KMT2C: variants seen among roughly 807,000 people sequenced by gnomAD.
KMT2C encodes the protein lysine methyltransferase 2C, also known as histone-lysine N-methyltransferase 2C.
Under a neutral mutation model 507.9 loss-of-function variants are expected in KMT2C, and 88 were observed. The ratio of observed to expected loss-of-function variants is 0.17; its 90% confidence interval spans 0.15 to 0.21. The LOEUF (loss-of-function observed/expected upper bound fraction) is 0.21. KMT2C is among the 10% of genes least tolerant of loss of function. KMT2C has a pLI of 1.00. For missense variants in KMT2C, 4,954 were observed against 5,957.8 expected, an observed-to-expected ratio of 0.83 and a Z score of 5.55; for synonymous variants, 2,049 against 2,080.8, an observed-to-expected ratio of 0.98 and a Z score of 0.42.
At chr7:152,390,256 A>G (rs2097481290) in intron 1 of KMT2C, among the ~76,000 whole-genome samples, 1 of 152,310 alleles carries the variant, frequency 6.6e-6, no homozygotes, top group African/African-American at 2.4e-5. Context: ...GTATTAAATG[A>G]CATAACTAAA....
chr7:152,144,798 T>G lies in KMT2C; in HGVS notation c.14258A>C (p.Gln4753Pro), dbSNP rs2090941382. Residue 4753 changes from glutamine (Q) to proline (P), a missense_variant, in exon 55 of 59, where the codon CAG becomes CCG. Transcript: ENST00000262189. The surrounding 1 kb of genome is among the most constrained non-coding windows in gnomAD (Gnocchi z 4.4). Reference protein sequence around the residue: ...TGELNAPYSKQFVHSKSSQYR... With the variant: ...TGELNAPYSKPFVHSKSSQYR... ...CTGCGATGACTTGGAGTGAACAAAC[T>G]GTTTACTATAAGGTGCGTTCAGTTC... is the stretch of plus-strand genomic sequence containing the variant. The G allele has an allele frequency of 6.2e-7, 1 of 1,614,194 alleles. No homozygotes were observed. Among genetic ancestry groups the G allele is most frequent in the African/African-American group, 1.3e-5 (1 of 75,064 alleles).
At chr7:152,301,833 ATTACC>A (rs1182639519) in intron 6 of KMT2C, among the ~76,000 whole-genome samples, 1 of 152,232 alleles carries the variant, frequency 6.6e-6, no homozygotes, top group Non-Finnish European at 1.5e-5. Context: ...ATACTAGCAA[ATTACC>A]TTACGTAAAG....
intron 6 of KMT2C, among the ~76,000 whole-genome samples, chr7:152,279,806 G>C (rs2096167521): frequency 6.6e-6 from 1 of 152,084 alleles, no homozygotes; most frequent in Non-Finnish European, 1.5e-5. Context: ...TGCTGCCACA[G>C]TAATCTTTCT....
At chr7:152,410,897 G>A (rs1439747549) in intron 1 of KMT2C, among the ~76,000 whole-genome samples, 4 of 151,904 alleles carry the variant, frequency 2.6e-5, no homozygotes, top group Non-Finnish European at 5.9e-5. Context: ...CCAGCTACTT[G>A]GGAGGCTGAG....
chr7:152,435,376 A>G (rs960425693), intron 1 of KMT2C, among the ~76,000 whole-genome samples: 2 of 151,364 alleles, frequency 1.3e-5, no homozygotes, highest in Non-Finnish European at 2.9e-5. Context: ...GCCCGACTGA[A>G]AAGTAAAGTG....
intron 4 of KMT2C, among the ~76,000 whole-genome samples, chr7:152,313,218 A>C (rs1367050827): frequency 6.6e-6 from 1 of 152,010 alleles, no homozygotes; most frequent in Non-Finnish European, 1.5e-5. Context: ...TCCATTACAA[A>C]TCATTGTTAT....
At position 152,381,190 on chromosome 7, in the gene KMT2C, C is replaced by T. The variant is rs2097370366; in HGVS notation, c.162-22515G>A. 2.0e-5 allele frequency among the ~76,000 whole-genome samples: 3 copies of T among 152,118 alleles called. No individual in the cohort carries two copies. In the South Asian group the frequency reaches 6.2e-4, roughly 32 times the overall value. On this transcript the variant is annotated intron_variant, in intron 1 of 58. Transcript: ENST00000262189. ...CATTTATTCAACAAATATTTGAGTG[C>T]CAGCTATGTGCTAGGCACTGTTCTA...
intron 2 of KMT2C, among the ~76,000 whole-genome samples, chr7:152,337,052 A>G (rs1031573951): frequency 6.6e-6 from 1 of 152,144 alleles, no homozygotes; most frequent in Non-Finnish European, 1.5e-5. Flanking sequence ...GCACTTTGGG[A>G]AGCAGGAGGA....
intron 24 of KMT2C, 128 bp downstream of exon 24, chr7:152,207,172 T>G: frequency 1.1e-6 from 1 of 905,702 alleles, no homozygotes; most frequent in Non-Finnish European, 1.6e-6. Context: ...TTAATTTATG[T>G]GCACATATTT....
At position 152,194,280 on chromosome 7, in the gene KMT2C, A is replaced by G. The variant is rs774754773; in HGVS notation, c.4508-19T>C. The G allele has an allele frequency of 4.7e-5, 67 of 1,438,496 alleles. No individual in the cohort carries two copies. Among genetic ancestry groups the G allele is most frequent in the Non-Finnish European group, 6.1e-5 (64 of 1,054,956 alleles). 89.1% of individuals were successfully genotyped at this position (1,438,496 alleles called of 1,614,324 possible). ...ATTGCTCCTAGAATAAATTAAAAAA[A>G]AAAAAGAAACATTAACAGCTACTAA... On this transcript the variant is annotated intron_variant, in intron 29 of 58. Coordinates refer to ENST00000262189, the MANE Select transcript of KMT2C (RefSeq NM_170606.3).
Position 152,178,014 on chromosome 7 carries a change from TTAAAAAAAAAA to T in KMT2C, c.7443-15_7443-5del. 1 of 1,129,686 alleles carries T rather than the reference TTAAAAAAAAAA, an allele frequency of 8.9e-7. No individual in the cohort carries two copies. Among genetic ancestry groups the T allele is most frequent in the South Asian group, 3.8e-5 (1 of 26,134 alleles). The allele number at this position is 1,129,686 out of a possible 1,614,324, so 70.0% of individuals were successfully genotyped here. On this transcript the variant is annotated splice_polypyrimidine_tract_variant and splice_region_variant and intron_variant, in intron 37 of 58. Coordinates refer to ENST00000262189, the MANE Select transcript of KMT2C (RefSeq NM_170606.3). ...ACTACCTCCTGGAAATCCAAATCTT[TTAAAAAAAAAA>T]AAAAAAAAAAAAAAAAAGCAAATAG... is the stretch of plus-strand genomic sequence containing the variant.
At chr7:152,339,647 T>C (rs927246859) in intron 2 of KMT2C, among the ~76,000 whole-genome samples, 6 of 152,296 alleles carry the variant, frequency 3.9e-5, no homozygotes, top group South Asian at 4.1e-4. Context: ...AAGGGGACTA[T>C]GGCACTGAAA....
intron 1 of KMT2C, among the ~76,000 whole-genome samples, chr7:152,378,897 A>C (rs4725456): frequency 2.7e-4 from 39 of 144,254 alleles, no homozygotes; most frequent in South Asian, 9.0e-4. Flanking sequence ...ACTTCACTGA[A>C]ATAATACAAG....
intron 1 of KMT2C, among the ~76,000 whole-genome samples, chr7:152,377,734 C>CAAAAAAAAA (rs59181675): frequency 1.6e-5 from 1 of 62,622 alleles, no homozygotes; most frequent in African/African-American, 4.8e-5. Flanking sequence ...GACTCCGTCT[C>CAAAAAAAAA]AAAAAAAAAA....
At chr7:152,388,612 C>T (rs2097456884) in intron 1 of KMT2C, among the ~76,000 whole-genome samples, 1 of 152,312 alleles carries the variant, frequency 6.6e-6, no homozygotes. Flanking sequence ...GTAAGCTTTT[C>T]AAGCACACCC....
chr7:152,274,987 C>T (rs1339387694), intron 6 of KMT2C, among the ~76,000 whole-genome samples: 1 of 152,180 alleles, frequency 6.6e-6, no homozygotes, highest in Non-Finnish European at 1.5e-5. Context: ...GCTGAGATAA[C>T]TGGAGCCTCA....
intron 23 of KMT2C, among the ~76,000 whole-genome samples, chr7:152,219,562 G>C (rs1409462424): frequency 1.3e-5 from 2 of 150,014 alleles, no homozygotes; most frequent in African/African-American, 4.9e-5. Flanking sequence ...CCTGGGCAAC[G>C]TAACAAGACA....
intron 1 of KMT2C, among the ~76,000 whole-genome samples, chr7:152,380,529 T>C (rs1247859945): frequency 6.7e-6 from 1 of 149,778 alleles, no homozygotes; most frequent in Non-Finnish European, 1.5e-5. Context: ...GATCGCACCA[T>C]TGCACTCCAG....
At chr7:152,194,893 T>C (rs901114589) in intron 28 of KMT2C, among the ~76,000 whole-genome samples, 3 of 151,462 alleles carry the variant, frequency 2.0e-5, no homozygotes, top group Non-Finnish European at 4.4e-5. Context: ...GAAATCGATA[T>C]GCAAATAATT....
Sources: allele counts gnomAD v4.1 joint callset (sites outside exome capture counted in the v4.1 genomes callset), GRCh38; gene constraint gnomAD v4.1.1; non-coding constraint Gnocchi (gnomAD v3.1); transcripts MANE v1.5; gene names NCBI Gene and HGNC (gene_info 2026-07-23, HGNC 2026-07-21).